LRRC4C: variants seen among roughly 807,000 people sequenced by gnomAD.
The protein encoded by LRRC4C is leucine rich repeat containing 4C.
A neutral mutation model predicts 33.6 loss-of-function variants in LRRC4C; 5 were observed. The ratio of observed to expected loss-of-function variants is 0.15; its 90% CI spans 0.08 to 0.31. The LOEUF (loss-of-function observed/expected upper bound fraction) is 0.31. LRRC4C is among the 10% of genes least tolerant of loss of function. The pLI is 1.00. For synonymous variants in LRRC4C, 329 were observed against 302.0 expected, an observed-to-expected ratio of 1.09 and a Z score of -0.93; for missense variants, 560 against 796.7, an observed-to-expected ratio of 0.70 and a Z score of 3.58.
chr11:41,429,607 A>G (rs999133262), intron 1 of LRRC4C, among the ~76,000 whole-genome samples: 1 of 152,070 alleles, frequency 6.6e-6, no homozygotes, highest in African/African-American at 2.4e-5. Flanking sequence ...TGAATGTGAA[A>G]AACCTGGCTT....
intron 5 of LRRC4C, among the ~76,000 whole-genome samples, chr11:40,169,261 T>G (rs1859847933): frequency 6.6e-6 from 1 of 152,210 alleles, no homozygotes; most frequent in South Asian, 2.1e-4. Flanking sequence ...CCAGTCACAG[T>G]GTGGACAATT....
chr11:40,769,285 T>C (rs932361328), intron 2 of LRRC4C, among the ~76,000 whole-genome samples: 1 of 151,680 alleles, frequency 6.6e-6, no homozygotes, highest in African/African-American at 2.4e-5. Context: ...AAATGAAAAA[T>C]CTGTACAATG....
At chr11:40,251,503 T>TC (rs1455580874) in intron 4 of LRRC4C, among the ~76,000 whole-genome samples, 4 of 151,902 alleles carry the variant, frequency 2.6e-5, no homozygotes, top group South Asian at 2.1e-4. Flanking sequence ...TCCTGACTCT[T>TC]CCCCCAGCCT....
At chr11:40,445,932 G>C (rs1951615891) in intron 3 of LRRC4C, 1 of 152,200 alleles carries the variant, frequency 6.6e-6, no homozygotes, top group Non-Finnish European at 1.5e-5. Context: ...TTTCGATTGT[G>C]TGAATATCCT....
chr11:41,321,454 C>T (rs1231996336), intron 1 of LRRC4C, among the ~76,000 whole-genome samples: 1 of 152,080 alleles, frequency 6.6e-6, no homozygotes, highest in South Asian at 2.1e-4. Flanking sequence ...TAGACTTATT[C>T]AAGAACCAAA....
At chr11:40,376,911 A>G (rs1319637710) in intron 3 of LRRC4C, among the ~76,000 whole-genome samples, 1 of 152,162 alleles carries the variant, frequency 6.6e-6, no homozygotes, top group Non-Finnish European at 1.5e-5. Context: ...ATATTGAGCA[A>G]GGTCAGGGCT....
At chr11:40,941,517 G>A (rs1479766739) in intron 1 of LRRC4C, among the ~76,000 whole-genome samples, 1 of 152,112 alleles carries the variant, frequency 6.6e-6, no homozygotes, top group African/African-American at 2.4e-5. Context: ...TCATAAGCAT[G>A]GAAACTCACT....
chr11:40,860,386 ATGT>A (rs1954026794), intron 2 of LRRC4C, among the ~76,000 whole-genome samples: 1 of 8,960 alleles, frequency 1.1e-4, no homozygotes, highest in Non-Finnish European at 6.3e-4. Context: ...TGAAATTAAG[ATGT>A]CAGTGGAAAC....
intron 2 of LRRC4C, among the ~76,000 whole-genome samples, chr11:40,796,596 A>G (rs1043723454): frequency 6.8e-6 from 1 of 147,698 alleles, no homozygotes; most frequent in African/African-American, 2.5e-5. Flanking sequence ...TAAATCTGAT[A>G]GCTGGTTTAG....
At chr11:40,723,356 A>T (rs2136699449) in intron 2 of LRRC4C, among the ~76,000 whole-genome samples, 1 of 152,252 alleles carries the variant, frequency 6.6e-6, no homozygotes, top group South Asian at 2.1e-4. Context: ...AGGCAGCTAG[A>T]GAAAAGCATC....
At chr11:41,293,218 G>A (rs1950040471) in intron 1 of LRRC4C, among the ~76,000 whole-genome samples, 2 of 151,812 alleles carry the variant, frequency 1.3e-5, no homozygotes, top group Non-Finnish European at 2.9e-5. Context: ...TGCAAAACAG[G>A]TTATTTTTGT....
At chr11:40,795,530 AAAAT>A (rs1334329251) in intron 2 of LRRC4C, among the ~76,000 whole-genome samples, 2 of 152,086 alleles carry the variant, frequency 1.3e-5, no homozygotes, top group East Asian at 1.9e-4. Context: ...ACTCCGTCTC[AAAAT>A]AAATAAATAA....
chr11:40,973,153 G>A (rs994210000), intron 1 of LRRC4C, among the ~76,000 whole-genome samples: 6 of 152,028 alleles, frequency 3.9e-5, no homozygotes, highest in African/African-American at 1.2e-4. Context: ...GCAGATCCAT[G>A]AGCCAATTAA....
At position 41,305,940 on chromosome 11, in the gene LRRC4C, T is replaced by G. The variant is rs187783965; in HGVS notation, c.-496+153491A>C. ...AAAAAAAATAATAAAATAAAATAAA[T>G]AAATACTAAGGGAACTCAGAGGCTG... On this transcript the variant is annotated intron_variant, in intron 1 of 6. Coordinates refer to ENST00000528697, the MANE Select transcript of LRRC4C (RefSeq NM_001258419.2). 6.6e-3 allele frequency among the ~76,000 whole-genome samples: 953 copies of G among 143,400 alleles called. 24 individuals carry two copies. Among genetic ancestry groups the G allele is most frequent in the African/African-American group, 0.024 (924 of 38,902 alleles). 94.1% of individuals were successfully genotyped at this position (143,400 alleles called of 152,430 possible). A position where few individuals can be genotyped will look rare whatever the true frequency, so the allele number is the denominator to read the frequency against.
chr11:40,809,437 C>G (rs1034008902), intron 2 of LRRC4C, among the ~76,000 whole-genome samples: 1 of 152,058 alleles, frequency 6.6e-6, no homozygotes, highest in African/African-American at 2.4e-5. Context: ...TTTGTTCAAA[C>G]TTTTTTCACT....
At chr11:40,935,452 T>C (rs1957829138) in intron 1 of LRRC4C, among the ~76,000 whole-genome samples, 1 of 152,158 alleles carries the variant, frequency 6.6e-6, no homozygotes, top group African/African-American at 2.4e-5. Context: ...TATATGACGG[T>C]GGTCTCATAA....
chr11:41,318,878 A>G (rs1195089706), intron 1 of LRRC4C, among the ~76,000 whole-genome samples: 1 of 151,994 alleles, frequency 6.6e-6, no homozygotes, highest in African/African-American at 2.4e-5. Flanking sequence ...TGGATATTGA[A>G]CACTCAGAAT....
At chr11:40,149,997 A>C (rs1454466254) in intron 5 of LRRC4C, among the ~76,000 whole-genome samples, 3 of 152,142 alleles carry the variant, frequency 2.0e-5, no homozygotes, top group Non-Finnish European at 4.4e-5. Context: ...GGAAGTCTGA[A>C]ACTGAGATGC....
intron 1 of LRRC4C, among the ~76,000 whole-genome samples, chr11:41,295,917 G>A (rs375866972): frequency 2.0e-5 from 3 of 152,264 alleles, no homozygotes; most frequent in South Asian, 2.1e-4. Flanking sequence ...GAGGTGACAC[G>A]ATAAGAAATA....
Sources: allele counts gnomAD v4.1 joint callset (sites outside exome capture counted in the v4.1 genomes callset), GRCh38; gene constraint gnomAD v4.1.1; transcripts MANE v1.5; gene names NCBI Gene and HGNC (gene_info 2026-07-23, HGNC 2026-07-21).